RANBP2: variants seen among roughly 807,000 people sequenced by gnomAD.
The protein encoded by RANBP2 is E3 SUMO-protein ligase RanBP2.
Under a neutral mutation model 303.6 loss-of-function variants are expected in RANBP2, and 57 were observed. That is an observed-to-expected ratio of 0.19 (90% CI 0.15 to 0.23). RANBP2 has a LOEUF of 0.23. Among genes scored for constraint, RANBP2 ranks in the 10% least tolerant of loss-of-function variants. The pLI, the probability that RANBP2 is intolerant of heterozygous loss-of-function variation, is 1.00. For missense variants in RANBP2, 3,138 were observed against 3,780.8 expected (o/e 0.83, Z 4.46); for synonymous variants, 1,167 against 1,301.5 (o/e 0.90, Z 2.23).
At chr2:109,683,798 T>C in the RANBP2 span, among the ~76,000 whole-genome samples, 5 of 152,210 alleles carry the variant, frequency 3.3e-5, no homozygotes, top group Admixed American at 3.3e-4. Context: ...GGGTCCCTTT[T>C]TGACAATTCA....
chr2:109,624,955 C>T, the RANBP2 span, among the ~76,000 whole-genome samples: 1 of 151,638 alleles, frequency 6.6e-6, no homozygotes, highest in East Asian at 1.9e-4. Flanking sequence ...GTGGTGGGTG[C>T]CTGTAATCCC....
At chr2:109,403,921 C>T in the RANBP2 span, among the ~76,000 whole-genome samples, 21 of 152,288 alleles carry the variant, frequency 1.4e-4, no homozygotes, top group Non-Finnish European at 2.1e-4. Flanking sequence ...TGAGGGCGTG[C>T]GTGCGGGCTG....
the RANBP2 span, among the ~76,000 whole-genome samples, chr2:109,600,247 G>A: frequency 7.2e-5 from 11 of 152,020 alleles, no homozygotes; most frequent in African/African-American, 2.7e-4. Flanking sequence ...AGGGCCTGAA[G>A]GCTTTCTCCC....
chr2:109,384,170 T>C, the RANBP2 span, among the ~76,000 whole-genome samples: 7 of 152,136 alleles, frequency 4.6e-5, no homozygotes, highest in Non-Finnish European at 7.4e-5. Flanking sequence ...GGGTCCCACG[T>C]TCATCCAGTC....
chr2:109,131,199 T>A, the RANBP2 span, among the ~76,000 whole-genome samples: 1 of 152,156 alleles, frequency 6.6e-6, no homozygotes, highest in Admixed American at 6.5e-5. Context: ...GTTAGGAACT[T>A]AAACCCTTGG....
At chr2:108,987,928 C>T in the RANBP2 span, among the ~76,000 whole-genome samples, 2 of 152,320 alleles carry the variant, frequency 1.3e-5, no homozygotes, top group African/African-American at 2.4e-5. Flanking sequence ...ATTTTAGATG[C>T]CTGGATCCCT....
At chr2:109,728,831 C>T in the RANBP2 span, among the ~76,000 whole-genome samples, 110 of 151,710 alleles carry the variant, frequency 7.3e-4, no homozygotes, top group Middle Eastern at 3.4e-3. Flanking sequence ...AAAAAAGCCC[C>T]GATTACTGAT....
At chr2:109,088,758 C>G in the RANBP2 span, among the ~76,000 whole-genome samples, 4 of 152,158 alleles carry the variant, frequency 2.6e-5, no homozygotes, top group Admixed American at 6.5e-5. Flanking sequence ...GTGATCCACC[C>G]GCCTTGGCCT....
At chr2:109,614,762 C>A in the RANBP2 span, 1 of 1,478,502 alleles carries the variant, frequency 6.8e-7, no homozygotes, top group Non-Finnish European at 8.9e-7. Flanking sequence ...CCGAGCCCTC[C>A]GGGGACCCGC....
chr2:109,582,442 C>A, the RANBP2 span, among the ~76,000 whole-genome samples: 16 of 152,126 alleles, frequency 1.1e-4, no homozygotes, highest in Non-Finnish European at 2.1e-4. Context: ...ACTTCAGCCT[C>A]CCGAGTAGCT....
At chr2:109,329,892 G>T in the RANBP2 span, among the ~76,000 whole-genome samples, 1 of 152,192 alleles carries the variant, frequency 6.6e-6, no homozygotes, top group Non-Finnish European at 1.5e-5. Flanking sequence ...GTTTCCAAAA[G>T]TCTCTCTGCA....
the RANBP2 span, among the ~76,000 whole-genome samples, chr2:109,312,777 C>T: frequency 2.6e-5 from 4 of 152,318 alleles, no homozygotes; most frequent in Non-Finnish European, 2.9e-5. Context: ...CATCTGCTGA[C>T]GGACATTGGG....
At chr2:108,850,352 C>T in the RANBP2 span, among the ~76,000 whole-genome samples, 3 of 152,072 alleles carry the variant, frequency 2.0e-5, no homozygotes, top group African/African-American at 7.2e-5. Flanking sequence ...ACTGCTTAAT[C>T]CAGATATATA....
the RANBP2 span, among the ~76,000 whole-genome samples, chr2:109,140,865 C>A: frequency 6.6e-6 from 1 of 152,142 alleles, no homozygotes; most frequent in Non-Finnish European, 1.5e-5. Flanking sequence ...CAGTCTGGCC[C>A]CAGGGGTATC....
chr2:109,312,945 A>T, the RANBP2 span, among the ~76,000 whole-genome samples: 2 of 152,122 alleles, frequency 1.3e-5, no homozygotes, highest in African/African-American at 4.8e-5. Flanking sequence ...GAGCCGCCCT[A>T]TGTTTTCCAC....
the RANBP2 span, among the ~76,000 whole-genome samples, chr2:109,365,425 T>C: frequency 2.0e-5 from 3 of 152,324 alleles, no homozygotes; most frequent in South Asian, 2.1e-4. Context: ...TCCCTATTGA[T>C]CTCTTCAATT....
At chr2:108,736,776 T>C (rs1172234746) in intron 6 of RANBP2, among the ~76,000 whole-genome samples, 1 of 152,112 alleles carries the variant, frequency 6.6e-6, no homozygotes, top group Non-Finnish European at 1.5e-5. Flanking sequence ...ATAAATTCCA[T>C]TGAACAAAAA....
chr2:108,850,515 G>A, the RANBP2 span, among the ~76,000 whole-genome samples: 12 of 151,996 alleles, frequency 7.9e-5, no homozygotes, highest in Admixed American at 6.6e-4. Context: ...GCAGTGGCAC[G>A]ATCTTGGCTC....
the RANBP2 span, among the ~76,000 whole-genome samples, chr2:109,374,739 G>A: frequency 2.0e-5 from 3 of 152,148 alleles, no homozygotes; most frequent in East Asian, 3.9e-4. Context: ...CTCCACAGCC[G>A]CTCCAGCCGG....
Sources: gnomAD v4.1 joint callset for allele counts (sites outside exome capture counted in the v4.1 genomes callset) on GRCh38, gnomAD v4.1.1 for gene constraint, MANE v1.5 for transcripts, NCBI Gene and HGNC (gene_info 2026-07-23, HGNC 2026-07-21) for gene names.